LOC128462377: variants seen among roughly 807,000 people sequenced by gnomAD.
the LOC128462377 span, among the ~76,000 whole-genome samples, chr16:89,341,183 G>A: frequency 2.0e-5 from 3 of 152,220 alleles, no homozygotes; most frequent in African/African-American, 7.2e-5. Context: ...TTTCTAAGGT[G>A]AATGAGATGG....
At chr16:89,397,298 C>A in the LOC128462377 span, among the ~76,000 whole-genome samples, 3 of 152,228 alleles carry the variant, frequency 2.0e-5, no homozygotes, top group Non-Finnish European at 4.4e-5. Context: ...CCCCTCAGGG[C>A]AAGGCCTCTC....
the LOC128462377 span, chr16:89,418,204 ACTC>A: frequency 2.3e-6 from 1 of 441,726 alleles, no homozygotes; most frequent in South Asian, 1.6e-5. Context: ...CAACCTGGAC[ACTC>A]ACGCATTATT....
chr16:89,394,399 C>T, the LOC128462377 span, among the ~76,000 whole-genome samples: 1 of 152,200 alleles, frequency 6.6e-6, no homozygotes, highest in Non-Finnish European at 1.5e-5. Flanking sequence ...GAGGCCAAGG[C>T]GGGCAGATCA....
At chr16:89,368,029 T>C in the LOC128462377 span, among the ~76,000 whole-genome samples, 23 of 152,166 alleles carry the variant, frequency 1.5e-4, no homozygotes, top group East Asian at 4.1e-3. Flanking sequence ...AAAAAAGAAA[T>C]TGTCCTTGCA....
the LOC128462377 span, among the ~76,000 whole-genome samples, chr16:89,332,745 C>T: frequency 9.2e-5 from 14 of 152,216 alleles, no homozygotes; most frequent in Non-Finnish European, 1.9e-4. Context: ...GAAAGTGCCC[C>T]GCTGCCCTGA....
At chr16:89,352,511 G>A in the LOC128462377 span, among the ~76,000 whole-genome samples, 1 of 152,126 alleles carries the variant, frequency 6.6e-6, no homozygotes, top group Admixed American at 6.5e-5. Context: ...CAGAGCTTCT[G>A]GCAAGCTCAA....
At chr16:89,382,391 T>C in the LOC128462377 span, among the ~76,000 whole-genome samples, 1 of 152,042 alleles carries the variant, frequency 6.6e-6, no homozygotes, top group Non-Finnish European at 1.5e-5. Context: ...AATGGTGCAA[T>C]CTCGGCTCAC....
the LOC128462377 span, among the ~76,000 whole-genome samples, chr16:89,410,402 A>G: frequency 1.3e-5 from 2 of 152,250 alleles, no homozygotes; most frequent in African/African-American, 4.8e-5. Context: ...TGGAGATAAT[A>G]AACAGAAAAA....
At chr16:89,370,273 G>A in the LOC128462377 span, among the ~76,000 whole-genome samples, 1 of 152,312 alleles carries the variant, frequency 6.6e-6, no homozygotes, top group East Asian at 1.9e-4. Context: ...GTGTGGGCCT[G>A]TGCCCAACTA....
chr16:89,363,777 C>T, the LOC128462377 span, among the ~76,000 whole-genome samples: 1 of 152,146 alleles, frequency 6.6e-6, no homozygotes. Context: ...GAGTGCTAGC[C>T]CTATGCGGTG....
chr16:89,360,372 C>T, the LOC128462377 span, among the ~76,000 whole-genome samples: 1 of 152,226 alleles, frequency 6.6e-6, no homozygotes, highest in Admixed American at 6.5e-5. Context: ...GCTGGGACTA[C>T]AGGTGAACAT....
chr16:89,360,789 A>C, the LOC128462377 span: 1 of 151,736 alleles, frequency 6.6e-6, no homozygotes, highest in Non-Finnish European at 1.5e-5. Context: ...TTCACTAAAA[A>C]CTCCTGTTAA....
At chr16:89,373,705 G>A in the LOC128462377 span, among the ~76,000 whole-genome samples, 6 of 152,158 alleles carry the variant, frequency 3.9e-5, no homozygotes, top group African/African-American at 1.4e-4. Flanking sequence ...CTGCAGAAAC[G>A]CTGCAGACAC....
At chr16:89,332,469 G>T in the LOC128462377 span, among the ~76,000 whole-genome samples, 3 of 152,208 alleles carry the variant, frequency 2.0e-5, no homozygotes, top group Non-Finnish European at 2.9e-5. Context: ...GCTCTGGGGA[G>T]AAATGACACC....
At chr16:89,330,306 T>C in the LOC128462377 span, among the ~76,000 whole-genome samples, 2 of 151,980 alleles carry the variant, frequency 1.3e-5, no homozygotes, top group South Asian at 4.2e-4. Flanking sequence ...ACGCAGCTTC[T>C]GGGTGGGTGG....
the LOC128462377 span, chr16:89,395,748 G>C: frequency 6.6e-6 from 1 of 152,144 alleles, no homozygotes; most frequent in African/African-American, 2.4e-5. Context: ...GAATAGCTTG[G>C]TACACTTGCT....
the LOC128462377 span, among the ~76,000 whole-genome samples, chr16:89,380,645 C>T: frequency 6.6e-6 from 1 of 152,304 alleles, no homozygotes; most frequent in South Asian, 2.1e-4. Context: ...CAATAGGAGA[C>T]AGGCTTCTAG....
chr16:89,338,336 G>A, the LOC128462377 span, among the ~76,000 whole-genome samples: 1 of 151,856 alleles, frequency 6.6e-6, no homozygotes, highest in African/African-American at 2.4e-5. Flanking sequence ...GCTTACAGGG[G>A]TGCTGACAAA....
the LOC128462377 span, among the ~76,000 whole-genome samples, chr16:89,408,874 A>C: frequency 6.6e-6 from 1 of 152,254 alleles, no homozygotes; most frequent in Non-Finnish European, 1.5e-5. Flanking sequence ...ACATAAGTGA[A>C]GATATCTAGC....
Sources: allele counts gnomAD v4.1 joint callset (sites outside exome capture counted in the v4.1 genomes callset), GRCh38; gene constraint gnomAD v4.1.1; transcripts MANE v1.5.